The following WWC2 variants were observed in gnomAD, a reference collection of about 807,000 sequenced individuals.
The protein encoded by WWC2 is WW and C2 domain containing 2.
WWC2 carries 101 observed loss-of-function variants against 138.5 expected under a neutral mutation model. That is an observed-to-expected ratio of 0.73 (90% CI 0.62 to 0.86). The LOEUF (loss-of-function observed/expected upper bound fraction) is 0.86. WWC2 is among the 40% of genes least tolerant of loss of function. The pLI is 0.00. For missense variants in WWC2, 1,420 were observed against 1,419.4 expected (o/e 1.00, Z -0.01); for synonymous variants, 558 against 538.4 (o/e 1.04, Z -0.50).
chr4:183,128,570 C>T (rs1342856286), intron 1 of WWC2, among the ~76,000 whole-genome samples: 1 of 152,152 alleles, frequency 6.6e-6, no homozygotes, highest in African/African-American at 2.4e-5. Flanking sequence ...CCTCCTTGTT[C>T]TTCACCTTCA....
At chr4:183,218,960 A>G (rs1383775197) in intron 4 of WWC2, among the ~76,000 whole-genome samples, 1 of 152,260 alleles carries the variant, frequency 6.6e-6, no homozygotes, top group East Asian at 1.9e-4. Flanking sequence ...CATCACAGGT[A>G]AATGTCAACA....
At chr4:183,279,148 C>T (rs1737976697) in intron 16 of WWC2, among the ~76,000 whole-genome samples, 2 of 151,990 alleles carry the variant, frequency 1.3e-5, no homozygotes, top group African/African-American at 4.8e-5. Flanking sequence ...GAAATATGTC[C>T]CATCAGTACC....
intron 4 of WWC2, among the ~76,000 whole-genome samples, chr4:183,220,313 AGCT>A (rs1735884531): frequency 6.6e-6 from 1 of 152,182 alleles, no homozygotes; most frequent in East Asian, 1.9e-4. Context: ...ATTAATTTTA[AGCT>A]GCTAAGTCTG....
chr4:183,231,317 T>G (rs1736239832), intron 4 of WWC2, among the ~76,000 whole-genome samples: 1 of 136,288 alleles, frequency 7.3e-6, no homozygotes, highest in South Asian at 2.6e-4. Flanking sequence ...TCACCCAGGC[T>G]GGAATGCAGT....
chr4:183,117,575 A>G (rs918426521), intron 1 of WWC2, among the ~76,000 whole-genome samples: 11 of 150,938 alleles, frequency 7.3e-5, no homozygotes, highest in African/African-American at 2.7e-4. Context: ...GGTGTCTACT[A>G]TAATCCAAGA....
At chr4:183,222,783 AC>A (rs1735968582) in intron 4 of WWC2, among the ~76,000 whole-genome samples, 1 of 151,832 alleles carries the variant, frequency 6.6e-6, no homozygotes, top group African/African-American at 2.4e-5. Flanking sequence ...CGTGGTGAAA[AC>A]CCATCTCTAC....
At chr4:183,157,824 T>TC (rs60607909) in intron 1 of WWC2, among the ~76,000 whole-genome samples, 141,969 of 150,048 alleles carry the variant, frequency 0.95, 67,589 homozygotes, top group Non-Finnish European at 0.99. Flanking sequence ...TTTTTTTTTT[T>TC]CACTGTCTTC....
intron 14 of WWC2, among the ~76,000 whole-genome samples, chr4:183,268,600 T>A (rs1737584900): frequency 6.6e-6 from 1 of 152,180 alleles, no homozygotes; most frequent in Non-Finnish European, 1.5e-5. Flanking sequence ...ATCTACTTAG[T>A]GTGTTCCCAC....
chr4:183,237,044 A>G (rs1580091251), intron 4 of WWC2, among the ~76,000 whole-genome samples: 1 of 152,186 alleles, frequency 6.6e-6, no homozygotes, highest in East Asian at 1.9e-4. Context: ...ACAGCTGGTA[A>G]GCTAAAAAAA....
chr4:183,292,793 A>G (rs1483539522), intron 21 of WWC2, among the ~76,000 whole-genome samples: 2 of 152,222 alleles, frequency 1.3e-5, no homozygotes, highest in African/African-American at 4.8e-5. Context: ...CCAACACTAG[A>G]TAAAGATTCT....
intron 19 of WWC2, among the ~76,000 whole-genome samples, chr4:183,285,077 C>T (rs928595684): frequency 6.6e-6 from 1 of 152,152 alleles, no homozygotes; most frequent in African/African-American, 2.4e-5. Context: ...ACCCAGAGCC[C>T]TGCCATTGTA....
Position 183,265,977 on chromosome 4 carries a change from T to G in WWC2, c.2207+26T>G, listed in dbSNP as rs373206653. 5 of 1,576,384 alleles carry G rather than the reference T, an allele frequency of 3.2e-6. No homozygotes were observed. In the African/African-American group the frequency reaches 6.7e-5, roughly 21 times the overall value. The stretch of plus-strand genomic sequence containing the variant: ...GTAAGTAAAATCAGCGAAGATCAAA[T>G]TGAGGAACTTAAACATTTCCATGTA... On this transcript the variant is annotated intron_variant, in intron 14 of 22. Transcript: ENST00000403733.
Position 183,261,584 on chromosome 4 carries a change from A to T in WWC2, c.1909+52A>T, listed in dbSNP as rs112327199. 11 of 1,525,174 alleles carry T rather than the reference A, an allele frequency of 7.2e-6. No homozygotes were observed. The African/African-American group carries it at 1.1e-4, about 15-fold the overall frequency. 94.5% of individuals were successfully genotyped at this position (1,525,174 alleles called of 1,614,324 possible). ...ATTCCCTGTTAGTGATTTTAAGGAGAATGATTGGAGCATTATTTTTCCATA... is the reference window on the plus strand; with the variant it reads ...ATTCCCTGTTAGTGATTTTAAGGAGTATGATTGGAGCATTATTTTTCCATA... On this transcript the variant is annotated intron_variant, in intron 11 of 22. Coordinates refer to ENST00000403733, the MANE Select transcript of WWC2 (RefSeq NM_024949.6).
intron 1 of WWC2, among the ~76,000 whole-genome samples, chr4:183,112,118 A>G (rs900988421): frequency 6.6e-6 from 1 of 152,236 alleles, no homozygotes. Context: ...CAGAATGTTT[A>G]ACATAACATC....
intron 8 of WWC2, among the ~76,000 whole-genome samples, chr4:183,252,555 C>T (rs1229139824): frequency 6.6e-6 from 1 of 152,138 alleles, no homozygotes; most frequent in East Asian, 1.9e-4. Context: ...TGAGGTTTGC[C>T]TTTGGTGCAT....
chr4:183,315,726 G>GA lies in WWC2; in HGVS notation c.3576_3577insA (p.Ter1193MetfsTer4). 6.2e-7 allele frequency: 1 copy of GA among 1,610,904 alleles called. No homozygotes were observed. On this transcript the variant is annotated frameshift_variant, in exon 23 of 23. Transcript: ENST00000403733. LOFTEE classifies it high-confidence loss of function. The stretch of plus-strand genomic sequence containing the variant: ...TCCCATCCCTGCCAGCTGATGATGT[G>GA]TGATTACATGACTTAAGAAATTATT...
chr4:183,101,700 G>A (rs1042274190), intron 1 of WWC2, among the ~76,000 whole-genome samples: 1 of 152,162 alleles, frequency 6.6e-6, no homozygotes. Context: ...ATTAACTCCT[G>A]TCAGTTTTGT....
At chr4:183,126,969 T>C (rs1333613067) in intron 1 of WWC2, among the ~76,000 whole-genome samples, 1 of 149,862 alleles carries the variant, frequency 6.7e-6, no homozygotes, top group South Asian at 2.1e-4. Context: ...ACTCCTGGGC[T>C]CAAGGAATCC....
At chr4:183,192,533 A>G (rs2111208506) in intron 1 of WWC2, among the ~76,000 whole-genome samples, 1 of 152,300 alleles carries the variant, frequency 6.6e-6, no homozygotes, top group South Asian at 2.1e-4. Context: ...ACTATTGCAG[A>G]GCAGGCCTGG....
Sources: gnomAD v4.1 joint callset for allele counts (sites outside exome capture counted in the v4.1 genomes callset) on GRCh38, gnomAD v4.1.1 for gene constraint, MANE v1.5 for transcripts, NCBI Gene and HGNC (gene_info 2026-07-23, HGNC 2026-07-21) for gene names.